Variants in AKNA observed in about 807,000 individuals in gnomAD.
AKNA encodes the protein AT-hook transcription factor, also known as microtubule organization protein AKNA.
In AKNA, 67 loss-of-function variants were observed where a neutral mutation model predicts 138.8. The ratio of observed to expected loss-of-function variants is 0.48; its 90% confidence interval spans 0.40 to 0.59. The LOEUF (loss-of-function observed/expected upper bound fraction) is 0.59, where lower values mean the gene tolerates loss of function less well. Ranked by LOEUF, AKNA falls within the 20% of genes least tolerant of loss-of-function variation. AKNA has a pLI of 0.00. For missense variants in AKNA, 1,813 were observed against 1,880.4 expected, an observed-to-expected ratio of 0.96 and a Z score of 0.66; for synonymous variants, 737 against 754.4, an observed-to-expected ratio of 0.98 and a Z score of 0.38.
At position 114,342,105 on chromosome 9, in the gene AKNA, G is replaced by T; in HGVS notation, c.3778C>A (p.Pro1260Thr). 6.2e-7 allele frequency: 1 copy of T among 1,603,042 alleles called. No homozygotes were observed. Among genetic ancestry groups the T allele is most frequent in the Non-Finnish European group, 8.5e-7 (1 of 1,175,596 alleles). Reference protein sequence around the residue: ...QDAGGAVTGDPLGPPPADTLQ... With the variant: ...QDAGGAVTGDTLGPPPADTLQ... ...GTATCAGCGGGAGGCGGTCCCAGTGGGTCCCCTGTGACAGCACCACCTAGA... is the reference window on the plus strand; with the variant it reads ...GTATCAGCGGGAGGCGGTCCCAGTGTGTCCCCTGTGACAGCACCACCTAGA... The change falls in exon 20 of 22, where the codon CCA becomes ACA. Residue 1260 changes from proline (P) to threonine (T), a missense_variant. Physicochemically the swap from Pro to Thr is conservative, Grantham distance 38. Transcript: ENST00000374088.
intron 6 of AKNA, among the ~76,000 whole-genome samples, chr9:114,365,793 C>T (rs555429344): frequency 1.6e-4 from 24 of 152,304 alleles, no homozygotes; most frequent in East Asian, 1.3e-3. Flanking sequence ...ACCCACAGCA[C>T]GTCTCAATTC....
chr9:114,356,969 C>T lies in AKNA; in HGVS notation c.2740G>A (p.Glu914Lys). The T allele has an allele frequency of 6.3e-7, 1 of 1,580,796 alleles. No individual in the cohort carries two copies. Reference sequence around the variant, plus strand: ...GTCTCTGGGGACGCCATCCAGGTCTCCTGAAAGAGGCAGTATCCCTTTATG... The same window carrying T: ...GTCTCTGGGGACGCCATCCAGGTCTTCTGAAAGAGGCAGTATCCCTTTATG... ...LHRGGGPHLEETWMASPETDS... is the reference protein window; with the variant it reads ...LHRGGGPHLEKTWMASPETDS... The change falls in exon 13 of 22, where the codon GAG becomes AAG. Residue 914 changes from glutamate to lysine, a missense_variant and splice_region_variant. Coordinates refer to ENST00000374088, the MANE Select transcript of AKNA (RefSeq NM_001317950.2).
chr9:114,377,020 G>C lies in AKNA; in HGVS notation c.787C>G (p.Gln263Glu). 1.9e-6 allele frequency: 3 copies of C among 1,614,080 alleles called. No homozygotes were observed. The highest frequency in any genetic ancestry group is 2.5e-6 in the Non-Finnish European group (3 of 1,179,980). ...SVARATPMEF[Q>E]DSSAPPAQSP... Reference sequence around the variant, plus strand: ...TGGGCTGGGGGAGCTGAGGAGTCCTGGAATTCCATGGGGGTTGCCCGAGCA... The same window carrying C: ...TGGGCTGGGGGAGCTGAGGAGTCCTCGAATTCCATGGGGGTTGCCCGAGCA... The change falls in exon 3 of 22, where the codon CAG (glutamine) becomes GAG (glutamate). Residue 263 changes from glutamine to glutamate, a missense_variant. Transcript: ENST00000374088.
chr9:114,348,526 C>T (rs1830866470), intron 15 of AKNA, among the ~76,000 whole-genome samples: 1 of 152,242 alleles, frequency 6.6e-6, no homozygotes, highest in Non-Finnish European at 1.5e-5. Context: ...CACCTCGATG[C>T]TTCCTAGCAC....
intron 12 of AKNA, 59 bp from the exon 13 acceptor site, chr9:114,357,028 C>T: frequency 6.8e-7 from 1 of 1,479,790 alleles, no homozygotes; most frequent in Non-Finnish European, 9.1e-7. Flanking sequence ...ACTGGGAAGC[C>T]CTTCCCAAAT....
In AKNA at chr9:114,367,465, T is replaced by C. The variant is rs1304864710; in HGVS notation, c.1728+78A>G. 9.7e-6 allele frequency: 15 copies of C among 1,541,396 alleles called. No homozygotes were observed. The East Asian group carries it at 2.3e-4, about 24-fold the overall frequency. On this transcript the variant is annotated intron_variant, in intron 6 of 21. Coordinates refer to ENST00000374088, the MANE Select transcript of AKNA (RefSeq NM_001317950.2). ...TGACAAGTGAGACTCCCAGAGTGCC[T>C]CTCACCCAAGCAGGCAGAGGTTCTG... is the stretch of plus-strand genomic sequence containing the variant.
Position 114,377,415 on chromosome 9 carries a change from C to T in AKNA, c.392G>A (p.Ser131Asn). Residue 131 changes from serine (S) to asparagine (N), a missense_variant, in exon 3 of 22, where the codon AGT (serine) becomes AAT (asparagine). Coordinates refer to ENST00000374088, the MANE Select transcript of AKNA (RefSeq NM_001317950.2). ...TEEEPDGTLG[S>N]LEVEEAGESS... Reference sequence around the variant, plus strand: ...CTCTCCAGCCTCCTCAACCTCCAGACTTCCGAGGGTCCCATCTGGCTCCTC... The same window carrying T: ...CTCTCCAGCCTCCTCAACCTCCAGATTTCCGAGGGTCCCATCTGGCTCCTC... 1 of 1,613,882 alleles carries T rather than the reference C, an allele frequency of 6.2e-7. No individual in the cohort carries two copies. Among genetic ancestry groups the T allele is most frequent in the Non-Finnish European group, 8.5e-7 (1 of 1,179,984 alleles).
At chr9:114,346,030 C>A in intron 17 of AKNA, 21 bp from the exon 18 acceptor site, 2 of 1,601,824 alleles carry the variant, frequency 1.2e-6, no homozygotes, top group Non-Finnish European at 1.7e-6. Flanking sequence ...AAAAGTGGGG[C>A]ATCAGAGGGG....
At chr9:114,372,927 G>A (rs1439751673) in intron 4 of AKNA, among the ~76,000 whole-genome samples, 2 of 144,832 alleles carry the variant, frequency 1.4e-5, no homozygotes, top group Non-Finnish European at 3.0e-5. Context: ...AGAGGGAAGG[G>A]TCCTGCCTGT....
intron 1 of AKNA, among the ~76,000 whole-genome samples, chr9:114,386,370 C>T (rs1200629183): frequency 6.6e-6 from 1 of 152,062 alleles, no homozygotes; most frequent in Non-Finnish European, 1.5e-5. Flanking sequence ...GAGGGCATTC[C>T]AGGCAGCGGG....
At chr9:114,348,559 T>A (rs914697034) in intron 15 of AKNA, among the ~76,000 whole-genome samples, 2 of 152,164 alleles carry the variant, frequency 1.3e-5, no homozygotes, top group Non-Finnish European at 2.9e-5. Flanking sequence ...GAGGGCTGAC[T>A]AAGAGCAGGC....
chr9:114,355,085 C>CAGGTGATCCTGGCCTT lies in AKNA; in HGVS notation c.3058+824_3058+839dup, dbSNP rs1334463079. Among the ~76,000 whole-genome samples, 96 of 151,592 alleles carry CAGGTGATCCTGGCCTT rather than the reference C, an allele frequency of 6.3e-4. 2 individuals carry two copies. The highest frequency in any genetic ancestry group is 3.9e-4 in the Admixed American group (6 of 15,210). ...AGATGGGGTTTTGTCATGTTGGCCA[C>CAGGTGATCCTGGCCTT]AGGTGATCCTGGCCTTAAGTGATCC... is the stretch of plus-strand genomic sequence containing the variant. On this transcript the variant is annotated intron_variant, in intron 14 of 21. Coordinates refer to ENST00000374088, the MANE Select transcript of AKNA (RefSeq NM_001317950.2).
chr9:114,335,811 AAG>A lies in AKNA; in HGVS notation c.*1241_*1242del, dbSNP rs1554832610. 1.3e-5 allele frequency: 2 copies of A among 152,022 alleles called. No individual in the cohort carries two copies. The highest frequency in any genetic ancestry group is 4.8e-5 in the African/African-American group (2 of 41,370). The allele number at this position is 152,022 out of a possible 1,614,324, so 9.4% of individuals were successfully genotyped here. On this transcript the variant is annotated 3_prime_UTR_variant, in exon 22 of 22. Coordinates refer to ENST00000374088, the MANE Select transcript of AKNA (RefSeq NM_001317950.2). ...AAAGAAAAAGAAAAAAGAAAAAAAA[AAG>A]AAAGAAAGGAGCACTGGAGAGTCCA...
chr9:114,330,732 G>T (rs375273392), downstream of AKNA: 147 of 1,596,172 alleles, frequency 9.2e-5, no homozygotes, highest in Non-Finnish European at 1.0e-4. Flanking sequence ...TGTGATGGGC[G>T]ATTGGCCACT....
At chr9:114,345,027 TAC>T (rs917993635) in intron 18 of AKNA, 2 of 151,544 alleles carry the variant, frequency 1.3e-5, no homozygotes, top group African/African-American at 4.9e-5. Flanking sequence ...TCTTCTCTGC[TAC>T]AGTCAGATTC....
At chr9:114,357,231 T>C (rs1368635499) in intron 12 of AKNA, among the ~76,000 whole-genome samples, 1 of 152,096 alleles carries the variant, frequency 6.6e-6, no homozygotes, top group Non-Finnish European at 1.5e-5. Context: ...CCAGAGCCCT[T>C]GGGAGAGACA....
downstream of AKNA, chr9:114,331,453 G>A (rs1422213254): frequency 2.1e-5 from 17 of 806,350 alleles, no homozygotes; most frequent in South Asian, 3.4e-5. Flanking sequence ...AAGGAGACCC[G>A]GGCCTTCACT....
At chr9:114,364,421 A>G in intron 7 of AKNA, 139 bp downstream of exon 7, 1 of 818,542 alleles carries the variant, frequency 1.2e-6, no homozygotes, top group Non-Finnish European at 2.1e-6. Context: ...GAAGCTACTC[A>G]GGAACTGTTT....
downstream of AKNA, chr9:114,334,021 G>A (rs1829909494): frequency 1.5e-5 from 2 of 130,986 alleles, no homozygotes; most frequent in Admixed American, 7.7e-5. Flanking sequence ...CCTTCGCTCT[G>A]TCTCTCCTGC....
Sources: gnomAD v4.1 joint callset for allele counts (sites outside exome capture counted in the v4.1 genomes callset) on GRCh38, gnomAD v4.1.1 for gene constraint, MANE v1.5 for transcripts, NCBI Gene and HGNC (gene_info 2026-07-23, HGNC 2026-07-21) for gene names.